Variants in MYH14 observed in about 807,000 individuals in gnomAD.
MYH14 encodes myosin-14.
MYH14 carries 123 observed loss-of-function variants against 255.5 expected under a neutral mutation model. The observed-to-expected ratio is 0.48, with a 90% CI of 0.42 to 0.56. The LOEUF is 0.56. MYH14 is among the 20% of genes least tolerant of loss of function. The pLI, the probability that MYH14 is intolerant of heterozygous loss-of-function variation, is 0.00. For synonymous variants in MYH14, 1,095 were observed against 1,161.2 expected (o/e 0.94, Z 1.16); for missense variants, 2,423 against 2,802.3 (o/e 0.86, Z 3.06).
At chr19:50,309,433 CTG>C in intron 42 of MYH14, 2 of 617,590 alleles carry the variant, frequency 3.2e-6, no homozygotes, top group Non-Finnish European at 5.8e-6. Flanking sequence ...TTCCTCCTCT[CTG>C]TGTGTCCTTC....
chr19:50,306,431 T>C (rs2123490658), intron 40 of MYH14, among the ~76,000 whole-genome samples: 1 of 152,296 alleles, frequency 6.6e-6, no homozygotes, highest in South Asian at 2.1e-4. Context: ...TCCCATCACA[T>C]GGACTTCACC....
Position 50,248,980 on chromosome 19 carries a change from C to G in MYH14, c.1330-7C>G. The G allele has an allele frequency of 6.2e-7, 1 of 1,613,228 alleles. No homozygotes were observed. Among genetic ancestry groups the G allele is most frequent in the East Asian group, 2.2e-5 (1 of 44,888 alleles). Reference sequence around the variant, plus strand: ...GCTGCGCCCTTACCATGAGCCCTGTCCCACAGGCTGACTTCGCGCTGGAGG... The same window carrying G: ...GCTGCGCCCTTACCATGAGCCCTGTGCCACAGGCTGACTTCGCGCTGGAGG... On this transcript the variant is annotated splice_region_variant and splice_polypyrimidine_tract_variant and intron_variant, in intron 12 of 42. Coordinates refer to ENST00000642316, the MANE Select transcript of MYH14 (RefSeq NM_001145809.2).
intron 10 of MYH14, among the ~76,000 whole-genome samples, chr19:50,234,617 C>G (rs1310629011): frequency 6.6e-6 from 1 of 151,556 alleles, no homozygotes; most frequent in Non-Finnish European, 1.5e-5. Context: ...AATTCCCCAG[C>G]CTGCATGACT....
intron 9 of MYH14, 147 bp from the exon 10 acceptor site, chr19:50,231,783 G>A (rs1487069919): frequency 1.8e-5 from 18 of 993,634 alleles, no homozygotes; most frequent in South Asian, 4.9e-5. Flanking sequence ...CTCCACCCCC[G>A]ACCCTTCCCA....
At chr19:50,264,723 G>C (rs1260386845) in intron 22 of MYH14, among the ~76,000 whole-genome samples, 1 of 152,144 alleles carries the variant, frequency 6.6e-6, no homozygotes, top group Admixed American at 6.5e-5. Context: ...TCTTATCATA[G>C]AGCTCCAGCC....
In MYH14 at chr19:50,216,801, CTTTTTT is replaced by C. The variant is rs200626930; in HGVS notation, c.406-795_406-790del. Among the ~76,000 whole-genome samples the C allele has an allele frequency of 3.1e-4, 35 of 112,806 alleles. No homozygotes were observed. In the South Asian group the frequency reaches 8.2e-3, roughly 26 times the overall value. 74.0% of individuals were successfully genotyped at this position (112,806 alleles called of 152,430 possible). ...TAAAAAGATTCCTCTTCCATCCTTT[CTTTTTT>C]TTTTTTTTTTTTTTTTTTGAGACAG... On this transcript the variant is annotated intron_variant, in intron 2 of 42. Coordinates refer to ENST00000642316, the MANE Select transcript of MYH14 (RefSeq NM_001145809.2).
intron 2 of MYH14, among the ~76,000 whole-genome samples, chr19:50,215,160 G>T (rs1360707475): frequency 6.6e-6 from 1 of 152,198 alleles, no homozygotes; most frequent in Non-Finnish European, 1.5e-5. Context: ...ACCAGCTCAG[G>T]TTTCCGTTCC....
At position 50,281,770 on chromosome 19, in the gene MYH14, C is replaced by T. The variant is rs746379075; in HGVS notation, c.4467C>T (p.Asp1489=). 41 of 1,612,468 alleles carry T rather than the reference C, an allele frequency of 2.5e-5. 1 individual carries two copies. Among genetic ancestry groups the T allele is most frequent in the Admixed American group, 1.3e-4 (8 of 59,956 alleles). ...GCCGGCTGCAGCAGGAGCTGGACGA[C>T]GCCACCATGGACCTGGAGCAGCAGC... is the stretch of plus-strand genomic sequence containing the variant. ...GRRRLQQELD[D]ATMDLEQQRQ... Residue 1489 remains aspartate, a synonymous_variant, in exon 33 of 43, where the codon GAC becomes GAT. Coordinates refer to ENST00000642316, the MANE Select transcript of MYH14 (RefSeq NM_001145809.2).
chr19:50,307,656 T>G (rs1307132399), intron 41 of MYH14, among the ~76,000 whole-genome samples: 1 of 152,208 alleles, frequency 6.6e-6, no homozygotes, highest in Non-Finnish European at 1.5e-5. Flanking sequence ...GAGTGTGTGT[T>G]CTTGATTACT....
At chr19:50,211,525 C>T (rs2032194688) in intron 2 of MYH14, among the ~76,000 whole-genome samples, 1 of 152,146 alleles carries the variant, frequency 6.6e-6, no homozygotes, top group Non-Finnish European at 1.5e-5. Context: ...ACCATTCTTC[C>T]AAGCTTTCTA....
chr19:50,212,288 C>A (rs978531010), intron 2 of MYH14, among the ~76,000 whole-genome samples: 1 of 152,126 alleles, frequency 6.6e-6, no homozygotes, highest in African/African-American at 2.4e-5. Context: ...TTCTAATGGG[C>A]AGCCAAGGGG....
chr19:50,250,370 G>T lies in MYH14; in HGVS notation c.1657-145G>T, dbSNP rs1428140969. The T allele has an allele frequency of 3.9e-6, 3 of 776,632 alleles. No homozygotes were observed. The highest frequency in any genetic ancestry group is 6.3e-6 in the Non-Finnish European group (3 of 476,108). 48.1% of individuals were successfully genotyped at this position (776,632 alleles called of 1,614,324 possible). On this transcript the variant is annotated intron_variant, in intron 14 of 42. Coordinates refer to ENST00000642316, the MANE Select transcript of MYH14 (RefSeq NM_001145809.2). The surrounding 1 kb of genome is among the most constrained non-coding windows in gnomAD (Gnocchi z 5.4). Reference sequence around the variant, plus strand: ...CCCGCCTCGGCCTCCCAAAGTGCTGGGATTACAGGCGTGAGCCACCGTGCC... The same window carrying T: ...CCCGCCTCGGCCTCCCAAAGTGCTGTGATTACAGGCGTGAGCCACCGTGCC...
rs185232438 is a variant in MYH14, at chr19:50,286,528, G to A, written c.4586G>A (p.Arg1529His). ...KAAVLRAVEE[R>H]ERAEAEGRER... is the part of the protein sequence containing the mutation. The stretch of plus-strand genomic sequence containing the variant: ...GCTGTACTTCGGGCAGTGGAGGAAC[G>A]TGAGCGGGCCGAGGCAGAGGGCCGG... Residue 1529 changes from arginine (R) to histidine (H), a missense_variant, in exon 34 of 43, where the codon CGT (arginine) becomes CAT (histidine). Arg to His is a conservative substitution (Grantham distance 29, BLOSUM62 0). Coordinates refer to ENST00000642316, the MANE Select transcript of MYH14 (RefSeq NM_001145809.2). The A allele has an allele frequency of 5.4e-4, 877 of 1,613,580 alleles. 4 individuals carry two copies. In the African/African-American group the frequency reaches 0.01, roughly 19 times the overall value.
intron 39 of MYH14, among the ~76,000 whole-genome samples, chr19:50,296,055 T>C (rs577127023): frequency 6.6e-6 from 1 of 150,820 alleles, no homozygotes; most frequent in Non-Finnish European, 1.5e-5. Context: ...GTTGCAGTGA[T>C]CTGAGATCGT....
chr19:50,306,076 C>T (rs1042595107), intron 40 of MYH14, among the ~76,000 whole-genome samples: 1 of 152,226 alleles, frequency 6.6e-6, no homozygotes, highest in South Asian at 2.1e-4. Flanking sequence ...GTTGGGAGTT[C>T]GAGACCAGCC....
chr19:50,263,452 G>C (rs1373898241), intron 22 of MYH14, 32 bp downstream of exon 22: 27 of 1,502,786 alleles, frequency 1.8e-5, no homozygotes, highest in Non-Finnish European at 2.4e-5. Context: ...GGCCCCAGTA[G>C]GGAGAGGATA....
chr19:50,280,060 G>C lies in MYH14; in HGVS notation c.4056G>C (p.Gly1352=). The change falls in exon 31 of 43, where the codon GGG becomes GGC. Residue 1352 remains glycine, a synonymous_variant. Transcript: ENST00000642316. The surrounding 1 kb of genome is among the most constrained non-coding windows in gnomAD (Gnocchi z 4.8). ...AGGCTGAACTGGAGAATGTGTCTGG[G>C]GCGCTGAACGAGGCTGAGTCCAAAA... ...RAQAELENVS[G]ALNEAESKTI... is the part of the protein sequence containing the mutation. 6.2e-7 allele frequency: 1 copy of C among 1,610,234 alleles called. No individual in the cohort carries two copies. Among genetic ancestry groups the C allele is most frequent in the Non-Finnish European group, 8.5e-7 (1 of 1,178,300 alleles).
At position 50,271,443 on chromosome 19, in the gene MYH14, C is replaced by A. The variant is rs770972513; in HGVS notation, c.3068C>A (p.Ala1023Glu). 1.2e-6 allele frequency: 2 copies of A among 1,606,016 alleles called. No homozygotes were observed. The highest frequency in any genetic ancestry group is 1.7e-6 in the Non-Finnish European group (2 of 1,176,596). The change falls in exon 25 of 43, where the codon GCG (alanine) becomes GAG (glutamate). Residue 1023 changes from alanine to glutamate, a missense_variant. Around this residue, in one of 3 missense-constraint regions of MYH14, gnomAD observed 1,513 missense variants for 1,674.8 expected, o/e 0.90. Coordinates refer to ENST00000642316, the MANE Select transcript of MYH14 (RefSeq NM_001145809.2). ...GCCCACCTTGAGGCTGAGGAGGGTG[C>A]GCGGCAGAAGCTGCAGCTGGAGAAG... ...LEAHLEAEEG[A>E]RQKLQLEKVT...
Position 50,249,631 on chromosome 19 carries a change from G to T in MYH14, c.1483-19G>T. ...GTCCCTCTCCATCCTCCCAGCTCAC[G>T]TGTCCTGCGTCCCTGCAGCTGAACT... On this transcript the variant is annotated intron_variant, in intron 13 of 42. Coordinates refer to ENST00000642316, the MANE Select transcript of MYH14 (RefSeq NM_001145809.2). 1 of 1,455,136 alleles carries T rather than the reference G, an allele frequency of 6.9e-7. No homozygotes were observed. 90.1% of individuals were successfully genotyped at this position (1,455,136 alleles called of 1,614,324 possible).
Sources: allele counts gnomAD v4.1 joint callset (sites outside exome capture counted in the v4.1 genomes callset), GRCh38; gene constraint gnomAD v4.1.1; regional missense constraint gnomAD v4.1.1; non-coding constraint Gnocchi (gnomAD v3.1); transcripts MANE v1.5; gene names NCBI Gene and HGNC (gene_info 2026-07-23, HGNC 2026-07-21).